TBC1D22A: variants seen among roughly 807,000 people sequenced by gnomAD.
The protein encoded by TBC1D22A is TBC1 domain family member 22A.
Under a neutral mutation model 60.2 loss-of-function variants are expected in TBC1D22A, and 38 were observed. That is an observed-to-expected ratio of 0.63 (90% CI 0.49 to 0.83). The LOEUF (loss-of-function observed/expected upper bound fraction) is 0.83, where lower values mean the gene tolerates loss of function less well. TBC1D22A is among the 40% of genes least tolerant of loss of function. The pLI, the probability that TBC1D22A is intolerant of heterozygous loss-of-function variation, is 0.00. For missense variants in TBC1D22A, 628 were observed against 701.0 expected, an observed-to-expected ratio of 0.90 and a Z score of 1.18; for synonymous variants, 302 against 281.7, an observed-to-expected ratio of 1.07 and a Z score of -0.72.
intron 5 of TBC1D22A, among the ~76,000 whole-genome samples, chr22:46,881,714 C>T (rs1390715929): frequency 1.6e-4 from 25 of 152,126 alleles, no homozygotes; most frequent in Admixed American, 1.6e-3. Flanking sequence ...AGTTGAGGGG[C>T]CAAAGGCTAC....
intron 10 of TBC1D22A, among the ~76,000 whole-genome samples, chr22:47,010,830 C>T (rs1276338745): frequency 6.6e-6 from 1 of 152,100 alleles, no homozygotes; most frequent in Non-Finnish European, 1.5e-5. Flanking sequence ...AGAACAACAA[C>T]AACAACAACA....
chr22:46,940,120 T>G (rs1245818635), intron 8 of TBC1D22A, among the ~76,000 whole-genome samples: 1 of 152,190 alleles, frequency 6.6e-6, no homozygotes, highest in African/African-American at 2.4e-5. Flanking sequence ...ATCTATTAAG[T>G]GTGCAATATA....
At chr22:47,141,635 A>G (rs1397752504) in intron 12 of TBC1D22A, among the ~76,000 whole-genome samples, 1 of 151,976 alleles carries the variant, frequency 6.6e-6, no homozygotes, top group Non-Finnish European at 1.5e-5. Context: ...CAACTGCCTC[A>G]CTCTGAAGCA....
At chr22:46,778,226 T>C (rs1372188202) in intron 1 of TBC1D22A, among the ~76,000 whole-genome samples, 1 of 151,634 alleles carries the variant, frequency 6.6e-6, no homozygotes, top group East Asian at 1.9e-4. Context: ...TCATTAGCAC[T>C]CTACATTTAG....
chr22:46,878,563 A>C, intron 4 of TBC1D22A, 90 bp from the exon 5 acceptor site: 1 of 1,069,346 alleles, frequency 9.4e-7, no homozygotes, highest in Non-Finnish European at 1.5e-6. Context: ...CTTGCCTCCT[A>C]ATTAAACAGG....
At chr22:47,032,285 A>G (rs993477198) in intron 10 of TBC1D22A, among the ~76,000 whole-genome samples, 3 of 152,082 alleles carry the variant, frequency 2.0e-5, no homozygotes, top group East Asian at 1.9e-4. Flanking sequence ...CACACATCAC[A>G]TGTGTGGTGG....
chr22:46,807,455 T>C (rs1812634552), intron 4 of TBC1D22A, among the ~76,000 whole-genome samples: 1 of 152,000 alleles, frequency 6.6e-6, no homozygotes, highest in Non-Finnish European at 1.5e-5. Flanking sequence ...GGAGGCACAG[T>C]GGGTTTGATG....
intron 8 of TBC1D22A, among the ~76,000 whole-genome samples, chr22:46,930,715 G>A (rs1386587370): frequency 1.3e-5 from 2 of 151,308 alleles, no homozygotes; most frequent in African/African-American, 2.4e-5. Flanking sequence ...CACCTGCCTC[G>A]GCCTCCCAAA....
In TBC1D22A at chr22:46,797,578, G is replaced by A. The variant is rs747838862; in HGVS notation, c.595G>A (p.Asp199Asn). The A allele has an allele frequency of 5.0e-6, 8 of 1,612,570 alleles. No homozygotes were observed. The highest frequency in any genetic ancestry group is 3.3e-5 in the Admixed American group (2 of 59,890). ...GAGCGAAAGAGAGGCCTCCCGGCTC[G>A]ACAAGTTCAAGCAGCTGCTTGCCGG... ...ALSEREASRL[D>N]KFKQLLAGPN... The change falls in exon 4 of 13, where the codon GAC (aspartate) becomes AAC (asparagine). Residue 199 changes from aspartate to asparagine, a missense_variant. Asp to Asn is a conservative substitution (Grantham distance 23, BLOSUM62 1). Coordinates refer to ENST00000337137, the MANE Select transcript of TBC1D22A (RefSeq NM_014346.5).
chr22:47,067,908 T>C (rs544858057), intron 11 of TBC1D22A, among the ~76,000 whole-genome samples: 2 of 152,360 alleles, frequency 1.3e-5, no homozygotes, highest in South Asian at 2.1e-4. Flanking sequence ...TCATGCACGA[T>C]GCTTTGAGTG....
At chr22:47,165,235 T>C (rs1385119898) in intron 12 of TBC1D22A, among the ~76,000 whole-genome samples, 1 of 152,102 alleles carries the variant, frequency 6.6e-6, no homozygotes, top group Non-Finnish European at 1.5e-5. Context: ...GACTCGTGTT[T>C]GCCTGTCTCG....
chr22:47,080,226 AG>A (rs1431758081), intron 11 of TBC1D22A, among the ~76,000 whole-genome samples: 1 of 152,240 alleles, frequency 6.6e-6, no homozygotes, highest in Admixed American at 6.5e-5. Flanking sequence ...ACCAAAAATC[AG>A]TAAAAGTATA....
At chr22:47,125,251 C>T (rs918307587) in intron 12 of TBC1D22A, among the ~76,000 whole-genome samples, 1 of 152,204 alleles carries the variant, frequency 6.6e-6, no homozygotes, top group African/African-American at 2.4e-5. Flanking sequence ...GCGACCGTCC[C>T]CGGAGAGCCC....
chr22:46,967,149 G>T (rs867043115), intron 8 of TBC1D22A, among the ~76,000 whole-genome samples: 9 of 152,230 alleles, frequency 5.9e-5, no homozygotes, highest in Non-Finnish European at 1.2e-4. Context: ...GGTTCAGTCT[G>T]TGTAACCTTG....
At chr22:46,988,745 T>G (rs1296640657) in intron 9 of TBC1D22A, among the ~76,000 whole-genome samples, 8 of 152,240 alleles carry the variant, frequency 5.3e-5, no homozygotes, top group Admixed American at 4.6e-4. Context: ...GCATGCTTCT[T>G]AAGGGTCCTA....
At chr22:47,087,850 C>T (rs965479238) in intron 11 of TBC1D22A, among the ~76,000 whole-genome samples, 7 of 151,520 alleles carry the variant, frequency 4.6e-5, no homozygotes, top group East Asian at 3.9e-4. Context: ...CTGAGGCGGG[C>T]GGATCACGAG....
At chr22:46,943,891 C>T (rs771319418) in intron 8 of TBC1D22A, among the ~76,000 whole-genome samples, 29 of 152,196 alleles carry the variant, frequency 1.9e-4, no homozygotes, top group Admixed American at 5.2e-4. Flanking sequence ...GTCAGTACTC[C>T]GGTCCTTTTT....
At chr22:47,077,930 G>A (rs1053365189) in intron 11 of TBC1D22A, among the ~76,000 whole-genome samples, 2 of 152,180 alleles carry the variant, frequency 1.3e-5, no homozygotes, top group East Asian at 1.9e-4. Flanking sequence ...AGTACCTCAC[G>A]GTTTTCTTTT....
chr22:46,976,046 G>A (rs543734514), intron 9 of TBC1D22A, among the ~76,000 whole-genome samples: 5 of 152,104 alleles, frequency 3.3e-5, no homozygotes, highest in African/African-American at 9.6e-5. Context: ...TAGATCTTTC[G>A]GCTTTTTGCC....
Sources: allele counts gnomAD v4.1 joint callset (sites outside exome capture counted in the v4.1 genomes callset), GRCh38; gene constraint gnomAD v4.1.1; transcripts MANE v1.5; gene names NCBI Gene and HGNC (gene_info 2026-07-23, HGNC 2026-07-21).